The following CDKL5 variants were observed in gnomAD, a reference collection of about 807,000 sequenced individuals.
CDKL5 encodes cyclin-dependent kinase-like 5.
In CDKL5, 8 loss-of-function variants were observed where a neutral mutation model predicts 61.7. That is an observed-to-expected ratio of 0.13 (90% CI 0.08 to 0.23). The LOEUF is 0.23. Among genes scored for constraint, CDKL5 ranks in the 10% least tolerant of loss-of-function variants. The probability of loss-of-function intolerance (pLI) is 1.00; values close to 1 mark genes in which losing one functional copy is unlikely to be tolerated. For missense variants in CDKL5, 440 were observed against 734.5 expected (o/e 0.60, Z 4.63); for synonymous variants, 275 against 272.3 (o/e 1.01, Z -0.10).
chrX:18,529,078 T>TA, intron 3 of CDKL5, among the ~76,000 whole-genome samples: 1 of 109,317 alleles, frequency 9.1e-6, no homozygotes, highest in African/African-American at 3.5e-5. Context: ...TTGTTGTACT[T>TA]ACTTTTTTTT....
At position 18,632,490 on chromosome X, in the gene CDKL5, T is replaced by C; in HGVS notation, c.*3733T>C. The C allele has an allele frequency of 1.3e-5, 10 of 754,685 alleles. No homozygotes were observed. The highest frequency in any genetic ancestry group is 1.6e-5 in the Non-Finnish European group (10 of 639,413). The allele number at this position is 754,685 out of a possible 1,213,427, so 62.2% of individuals were successfully genotyped here. ...CTCCCGAAAGAAAATGTCTTTGTTTTTTATTCAAGTCATTTAATAGCTCTT... is the reference window on the plus strand; with the variant it reads ...CTCCCGAAAGAAAATGTCTTTGTTTCTTATTCAAGTCATTTAATAGCTCTT... On this transcript the variant is annotated 3_prime_UTR_variant, in exon 18 of 18. Coordinates refer to ENST00000623535, the MANE Select transcript of CDKL5 (RefSeq NM_001323289.2).
At chrX:18,504,162 G>A (rs1922485581) in intron 1 of CDKL5, among the ~76,000 whole-genome samples, 1 of 111,157 alleles carries the variant, frequency 9.0e-6, no homozygotes, top group Non-Finnish European at 1.9e-5. Context: ...CTAGTGTCCG[G>A]TGGCGCAATC....
At chrX:18,521,806 C>A (rs1480349316) in intron 3 of CDKL5, among the ~76,000 whole-genome samples, 1 of 111,954 alleles carries the variant, frequency 8.9e-6, no homozygotes, top group East Asian at 2.8e-4. Context: ...CATTCTTTCC[C>A]CATTTACTGG....
At chrX:18,542,287 C>G (rs984545378) in intron 3 of CDKL5, among the ~76,000 whole-genome samples, 6 of 111,605 alleles carry the variant, frequency 5.4e-5, no homozygotes, top group Non-Finnish European at 7.5e-5. Flanking sequence ...TGTGACCACT[C>G]CCCACGTTGG....
At chrX:18,592,694 A>G (rs1014101564) in intron 9 of CDKL5, among the ~76,000 whole-genome samples, 1 of 112,228 alleles carries the variant, frequency 8.9e-6, no homozygotes, top group Non-Finnish European at 1.9e-5. Flanking sequence ...AGGCTTGACA[A>G]TATCTTTTGA....
rs146522160 is a variant in CDKL5, at chrX:18,444,775, C to G, written c.-163+19080C>G. On this transcript the variant is annotated intron_variant, in intron 1 of 17. Coordinates refer to ENST00000623535, the MANE Select transcript of CDKL5 (RefSeq NM_001323289.2). Reference sequence around the variant, plus strand: ...AGTCCTCTTTGGATTATTTTCTTAGCTGTAATTTTTGAGGAATGAAATCTC... The same window carrying G: ...AGTCCTCTTTGGATTATTTTCTTAGGTGTAATTTTTGAGGAATGAAATCTC... 4.5e-3 allele frequency among the ~76,000 whole-genome samples: 508 copies of G among 112,432 alleles called. 4 individuals are homozygous for G. The highest frequency in any genetic ancestry group is 0.015 in the African/African-American group (460 of 31,002).
chrX:18,452,187 A>ATCT (rs1932035246), intron 1 of CDKL5, among the ~76,000 whole-genome samples: 1 of 111,604 alleles, frequency 9.0e-6, no homozygotes, highest in Non-Finnish European at 1.9e-5. Flanking sequence ...TCAAGGGGAA[A>ATCT]ACTTTAGGTA....
chrX:18,498,916 C>T (rs908064100), intron 1 of CDKL5, among the ~76,000 whole-genome samples: 2 of 111,182 alleles, frequency 1.8e-5, no homozygotes, highest in Non-Finnish European at 3.8e-5. Context: ...ACTACAGGCA[C>T]GTGGTCATCA....
At chrX:18,623,826 AAG>A (rs974975853) in intron 16 of CDKL5, 1 of 669,308 alleles carries the variant, frequency 1.5e-6, no homozygotes, top group Non-Finnish European at 1.8e-6. Context: ...TAGTTTCAAT[AAG>A]AGCACTTTTT....
At chrX:18,480,095 A>C (rs990851089) in intron 1 of CDKL5, among the ~76,000 whole-genome samples, 1 of 111,861 alleles carries the variant, frequency 8.9e-6, no homozygotes, top group African/African-American at 3.3e-5. Flanking sequence ...TACTTTATTC[A>C]AATTTCCTGT....
intron 10 of CDKL5, among the ~76,000 whole-genome samples, chrX:18,596,897 T>C (rs1926013432): frequency 8.9e-6 from 1 of 112,616 alleles, no homozygotes. Flanking sequence ...TCTGCCAGTT[T>C]AGAAGTTAAA....
chrX:18,469,109 C>T (rs1005001914), intron 1 of CDKL5, among the ~76,000 whole-genome samples: 5 of 109,387 alleles, frequency 4.6e-5, no homozygotes, highest in Non-Finnish European at 7.6e-5. Flanking sequence ...GAGGCTGAGG[C>T]GGGCAGATCA....
intron 1 of CDKL5, among the ~76,000 whole-genome samples, chrX:18,450,532 C>T (rs759926763): frequency 9.8e-5 from 11 of 111,815 alleles, no homozygotes; most frequent in African/African-American, 2.6e-4. Flanking sequence ...AGGCTGCTTC[C>T]TGTCCAGGGA....
At chrX:18,567,742 A>G (rs1178074545) in intron 4 of CDKL5, among the ~76,000 whole-genome samples, 1 of 111,395 alleles carries the variant, frequency 9.0e-6, no homozygotes, top group South Asian at 3.8e-4. Flanking sequence ...AAAATTAGCC[A>G]GGCATGGTGG....
rs746718156 is a variant in CDKL5, at chrX:18,537,120, G to A, written c.99+26266G>A. Among the ~76,000 whole-genome samples, 8 of 110,372 alleles carry A rather than the reference G, an allele frequency of 7.2e-5. No homozygotes were observed. The South Asian group carries it at 3.1e-3, about 43-fold the overall frequency. The stretch of plus-strand genomic sequence containing the variant: ...GCCCATCCAGCATCTTGCTGTGACA[G>A]TTTAAACAGTCTCATTTGGAAAACT... On this transcript the variant is annotated intron_variant, in intron 3 of 17. Transcript: ENST00000623535.
intron 12 of CDKL5, among the ~76,000 whole-genome samples, chrX:18,607,712 C>T (rs1307566575): frequency 2.7e-5 from 3 of 111,811 alleles, no homozygotes; most frequent in Non-Finnish European, 5.6e-5. Context: ...TGCAAAGTAT[C>T]GGGCCACCTT....
rs749430510 is a variant in CDKL5 at position 18,461,100 on chromosome X, A to C, written c.-163+35405A>C. Among the ~76,000 whole-genome samples the C allele has an allele frequency of 1.4e-4, 16 of 111,963 alleles. No individual in the cohort carries two copies. The East Asian group carries it at 3.9e-3, about 27-fold the overall frequency. On this transcript the variant is annotated intron_variant, in intron 1 of 17. Transcript: ENST00000623535. ...TTGCATGGTAAAACACAATTTATCC[A>C]CTTTCTTGTCAATGAGTATCTAGTT... is the stretch of plus-strand genomic sequence containing the variant.
Position 18,633,435 on chromosome X carries a change from A to G in CDKL5, c.*4678A>G. On this transcript the variant is annotated 3_prime_UTR_variant, in exon 18 of 18. Transcript: ENST00000623535. ...CCCAGGGCCAGAATCTCACAAGAAG[A>G]TCCTCTCAAAGACTTAAAAGCCTGG... 1 of 754,453 alleles carries G rather than the reference A, an allele frequency of 1.3e-6. No homozygotes were observed. Among genetic ancestry groups the G allele is most frequent in the Non-Finnish European group, 1.6e-6 (1 of 639,381 alleles). The allele number at this position is 754,453 out of a possible 1,213,427, so 62.2% of individuals were successfully genotyped here.
At chrX:18,647,381 A>C in intron 20 of CDKL5, 1 of 1,176,649 alleles carries the variant, frequency 8.5e-7, no homozygotes, top group Non-Finnish European at 1.2e-6. Flanking sequence ...AATACTCAAC[A>C]AGCACCAGGT....
Sources: allele counts gnomAD v4.1 joint callset (sites outside exome capture counted in the v4.1 genomes callset), GRCh38; gene constraint gnomAD v4.1.1; transcripts MANE v1.5; gene names NCBI Gene and HGNC (gene_info 2026-07-23, HGNC 2026-07-21).